KAZN: variants seen among roughly 807,000 people sequenced by gnomAD.
KAZN encodes the protein kazrin, periplakin interacting protein.
A neutral mutation model predicts 87.4 loss-of-function variants in KAZN; 40 were observed. The ratio of observed to expected loss-of-function variants is 0.46; its 90% CI spans 0.36 to 0.60. The LOEUF (loss-of-function observed/expected upper bound fraction) is 0.60. Among genes scored for constraint, KAZN ranks in the 20% least tolerant of loss-of-function variants. KAZN has a pLI of 0.00. For missense variants in KAZN, 898 were observed against 1,073.9 expected, an observed-to-expected ratio of 0.84 and a Z score of 2.29; for synonymous variants, 466 against 458.3, an observed-to-expected ratio of 1.02 and a Z score of -0.22.
At chr1:14,895,983 C>T (rs1416063589) in intron 1 of KAZN, among the ~76,000 whole-genome samples, 2 of 148,326 alleles carry the variant, frequency 1.3e-5, no homozygotes, top group Non-Finnish European at 3.0e-5. Context: ...GGCCAGGCAA[C>T]AATCTGAAGT....
At chr1:14,410,583 C>T (rs576464038) in intron 2 of KAZN, among the ~76,000 whole-genome samples, 1 of 152,314 alleles carries the variant, frequency 6.6e-6, no homozygotes, top group South Asian at 2.1e-4. Context: ...GAAAAAGGAC[C>T]TTCACAGATG....
At chr1:14,818,797 G>A (rs1470440491) in intron 1 of KAZN, among the ~76,000 whole-genome samples, 1 of 152,176 alleles carries the variant, frequency 6.6e-6, no homozygotes, top group Non-Finnish European at 1.5e-5. Flanking sequence ...GCTCACACTT[G>A]TAACCCCAGC....
At chr1:13,899,849 G>A (rs1639181720) in intron 1 of KAZN, among the ~76,000 whole-genome samples, 1 of 151,974 alleles carries the variant, frequency 6.6e-6, no homozygotes, top group East Asian at 1.9e-4. Flanking sequence ...TCACCATGTT[G>A]GTCAGTCTGG....
Position 15,099,162 on chromosome 1 carries a change from C to T in KAZN, c.1548-2381C>T, listed in dbSNP as rs1172976813. Among the ~76,000 whole-genome samples the T allele has an allele frequency of 1.3e-5, 2 of 152,122 alleles. No homozygotes were observed. Among genetic ancestry groups the T allele is most frequent in the African/African-American group, 4.8e-5 (2 of 41,416 alleles). On this transcript the variant is annotated intron_variant, in intron 10 of 14. Coordinates refer to ENST00000376030, the MANE Select transcript of KAZN (RefSeq NM_201628.3). This position sits in a 1 kb window ranked among gnomAD's most constrained non-coding sequence, Gnocchi z 5.4. Reference sequence around the variant, plus strand: ...GGAGACAAGGGGGTCCCAGTGGACCCAAGTGGTTCTGGGAGGCTGATGGGC... The same window carrying T: ...GGAGACAAGGGGGTCCCAGTGGACCTAAGTGGTTCTGGGAGGCTGATGGGC...
intron 1 of KAZN, among the ~76,000 whole-genome samples, chr1:14,630,383 C>T (rs1679475405): frequency 1.3e-5 from 2 of 152,124 alleles, no homozygotes; most frequent in South Asian, 4.1e-4. Flanking sequence ...TAACCGTTGT[C>T]TGTATACTCA....
intron 3 of KAZN, among the ~76,000 whole-genome samples, chr1:15,036,220 CT>C (rs1672250437): frequency 6.8e-6 from 1 of 147,734 alleles, no homozygotes; most frequent in African/African-American, 2.5e-5. Context: ...CCCTGCCTAC[CT>C]CTCCCCCCAT....
chr1:14,832,184 G>A (rs1647068234), intron 1 of KAZN, among the ~76,000 whole-genome samples: 2 of 144,240 alleles, frequency 1.4e-5, no homozygotes, highest in South Asian at 2.2e-4. Flanking sequence ...CAACAAGAGC[G>A]AAACTCCATC....
intron 13 of KAZN, among the ~76,000 whole-genome samples, chr1:15,111,524 C>T (rs531480868): frequency 6.6e-6 from 1 of 152,176 alleles, no homozygotes; most frequent in African/African-American, 2.4e-5. Flanking sequence ...GTGATCCACA[C>T]GCCTTGGCCT....
At chr1:14,305,720 G>T (rs1228322306) in intron 2 of KAZN, among the ~76,000 whole-genome samples, 1 of 151,772 alleles carries the variant, frequency 6.6e-6, no homozygotes, top group Non-Finnish European at 1.5e-5. Flanking sequence ...GGATGGCAGG[G>T]TATCGCTAAG....
At chr1:14,509,880 A>C (rs1670809144) in intron 2 of KAZN, among the ~76,000 whole-genome samples, 1 of 152,242 alleles carries the variant, frequency 6.6e-6, no homozygotes, top group Non-Finnish European at 1.5e-5. Flanking sequence ...ATATTTGAAC[A>C]GAGACCTGAA....
At chr1:14,527,105 G>T (rs977805920) in intron 2 of KAZN, among the ~76,000 whole-genome samples, 1 of 152,100 alleles carries the variant, frequency 6.6e-6, no homozygotes, top group African/African-American at 2.4e-5. Flanking sequence ...CTCATAGTTG[G>T]ACTTGTTTAA....
intron 2 of KAZN, among the ~76,000 whole-genome samples, chr1:14,498,928 A>G (rs1441123246): frequency 6.6e-6 from 1 of 150,756 alleles, no homozygotes; most frequent in African/African-American, 2.4e-5. Context: ...ACAGCTTCCC[A>G]CTCTTGCCTG....
chr1:14,332,070 AT>A (rs1480970590), intron 2 of KAZN, among the ~76,000 whole-genome samples: 2 of 152,142 alleles, frequency 1.3e-5, no homozygotes, highest in African/African-American at 4.8e-5. Context: ...TCTCCATCAC[AT>A]TCTTCTTTTT....
chr1:14,118,248 T>C (rs1644672733), intron 1 of KAZN, among the ~76,000 whole-genome samples: 1 of 152,212 alleles, frequency 6.6e-6, no homozygotes. Context: ...ATACATAAAA[T>C]GTTATTTAAT....
chr1:14,801,536 G>A (rs1172387167), intron 1 of KAZN, among the ~76,000 whole-genome samples: 1 of 152,128 alleles, frequency 6.6e-6, no homozygotes, highest in African/African-American at 2.4e-5. Context: ...CCGGGAAGGA[G>A]CAGAGGCCTC....
In KAZN at chr1:14,040,219, C is replaced by T. The variant is rs1174778724; in HGVS notation, c.92-140216C>T. Among the ~76,000 whole-genome samples, 3 of 152,082 alleles carry T rather than the reference C, an allele frequency of 2.0e-5. No homozygotes were observed. In the South Asian group the frequency reaches 6.2e-4, roughly 32 times the overall value. ...GTGACTCATTTCCACCAAATGTGAG[C>T]ACCCTAAAATAGCATTTACATCTGA... On this transcript the variant is annotated intron_variant, in intron 1 of 16. Coordinates refer to the KAZN transcript ENST00000636203.
At chr1:14,105,797 G>C (rs776324041) in intron 1 of KAZN, among the ~76,000 whole-genome samples, 6 of 152,212 alleles carry the variant, frequency 3.9e-5, no homozygotes, top group Non-Finnish European at 7.3e-5. Flanking sequence ...GTGCCACAGA[G>C]CCTTGCTAAC....
intron 14 of KAZN, chr1:15,113,914 A>T (rs778418448): frequency 6.6e-6 from 1 of 152,612 alleles, no homozygotes; most frequent in Non-Finnish European, 1.5e-5. Context: ...AGAAACTACT[A>T]TTCCCATTTT....
chr1:14,593,038 G>T (rs117644951), intron 2 of KAZN, among the ~76,000 whole-genome samples: 1 of 152,180 alleles, frequency 6.6e-6, no homozygotes, highest in Non-Finnish European at 1.5e-5. Context: ...GATAAGAGGT[G>T]GAAGGAAGTG....
Sources: gnomAD v4.1 joint callset for allele counts (sites outside exome capture counted in the v4.1 genomes callset) on GRCh38, gnomAD v4.1.1 for gene constraint, Gnocchi (gnomAD v3.1) non-coding constraint, MANE v1.5 for transcripts, NCBI Gene and HGNC (gene_info 2026-07-23, HGNC 2026-07-21) for gene names.